The following LRBA variants were observed in gnomAD, a reference collection of about 807,000 sequenced individuals.
The protein encoded by LRBA is LPS responsive beige-like anchor protein, also known as lipopolysaccharide-responsive and beige-like anchor protein.
Under a neutral mutation model 330.0 loss-of-function variants are expected in LRBA, and 176 were observed. The ratio of observed to expected loss-of-function variants is 0.53; its 90% CI spans 0.47 to 0.60. The LOEUF is 0.60. Ranked by LOEUF, LRBA falls within the 20% of genes least tolerant of loss-of-function variation. The pLI, the probability that LRBA is intolerant of heterozygous loss-of-function variation, is 0.00. For missense variants in LRBA, 3,259 were observed against 3,444.8 expected, an observed-to-expected ratio of 0.95 and a Z score of 1.35; for synonymous variants, 1,230 against 1,193.0, an observed-to-expected ratio of 1.03 and a Z score of -0.64.
Position 150,335,463 on chromosome 4 carries a change from GTGTATATATATACGTATATA to G in LRBA, c.7363-9585_7363-9566del, listed in dbSNP as rs1273702877. 4.6e-5 allele frequency among the ~76,000 whole-genome samples: 6 copies of G among 131,310 alleles called. No individual in the cohort carries two copies. In the Admixed American group the frequency reaches 4.6e-4, roughly 10 times the overall value. 86.1% of individuals were successfully genotyped at this position (131,310 alleles called of 152,430 possible). On this transcript the variant is annotated intron_variant, in intron 48 of 56. Transcript: ENST00000651943. ...TATACACGTATATATGTGTATATATGTGTATATATATACGTATATATGTGTGTGTATATATATATACACAC... is the reference window on the plus strand; with the variant it reads ...TATACACGTATATATGTGTATATATGTGTGTGTGTATATATATATACACAC...
intron 36 of LRBA, chr4:150,720,937 G>A (rs1435560580): frequency 4.9e-6 from 2 of 410,430 alleles, no homozygotes; most frequent in African/African-American, 2.1e-5. Flanking sequence ...AGTTCTAAGG[G>A]AATTTAAGTG....
chr4:150,451,716 T>C (rs1753368959), intron 44 of LRBA, among the ~76,000 whole-genome samples: 1 of 151,898 alleles, frequency 6.6e-6, no homozygotes, highest in South Asian at 2.1e-4. Context: ...ATCATAGGAA[T>C]TGAAAACAGA....
intron 53 of LRBA, among the ~76,000 whole-genome samples, chr4:150,291,827 T>C (rs562116110): frequency 2.4e-4 from 36 of 151,668 alleles, no homozygotes; most frequent in African/African-American, 8.7e-4. Context: ...CCAACCCAAA[T>C]GTCCAACAAC....
chr4:150,844,346 A>G (rs1749542124), intron 27 of LRBA, 139 bp from the exon 28 acceptor site: 1 of 529,802 alleles, frequency 1.9e-6, no homozygotes, highest in Admixed American at 3.6e-5. Context: ...TTTTGTGTGT[A>G]TGCTTCCTTC....
intron 53 of LRBA, among the ~76,000 whole-genome samples, chr4:150,294,121 T>G (rs769821696): frequency 2.0e-5 from 3 of 152,212 alleles, no homozygotes; most frequent in Non-Finnish European, 4.4e-5. Flanking sequence ...GACTCCTGTG[T>G]TGTTCAAAAG....
intron 35 of LRBA, among the ~76,000 whole-genome samples, chr4:150,749,350 G>A (rs777356702): frequency 5.3e-5 from 8 of 152,100 alleles, no homozygotes; most frequent in Non-Finnish European, 8.8e-5. Context: ...CAGGAGGATC[G>A]CTTGAGCTCA....
intron 49 of LRBA, among the ~76,000 whole-genome samples, chr4:150,322,314 T>C (rs536073962): frequency 3.9e-5 from 6 of 152,212 alleles, no homozygotes; most frequent in Non-Finnish European, 7.4e-5. Context: ...AAGACATATA[T>C]AACACTGCTC....
At chr4:150,598,758 G>C (rs1328735889) in intron 38 of LRBA, among the ~76,000 whole-genome samples, 1 of 152,086 alleles carries the variant, frequency 6.6e-6, no homozygotes, top group Non-Finnish European at 1.5e-5. Context: ...TTTAATCTTT[G>C]TACTCTGAAA....
At chr4:150,426,091 T>G (rs1749560905) in intron 46 of LRBA, among the ~76,000 whole-genome samples, 2 of 152,154 alleles carry the variant, frequency 1.3e-5, no homozygotes, top group Admixed American at 1.3e-4. Context: ...AATAAAACTT[T>G]TAAAAAATTC....
intron 37 of LRBA, among the ~76,000 whole-genome samples, chr4:150,605,832 CTATA>C (rs1774564607): frequency 1.3e-5 from 2 of 152,100 alleles, no homozygotes; most frequent in South Asian, 4.1e-4. Flanking sequence ...CAAGTACCAA[CTATA>C]AATCAAGGGC....
At position 150,954,817 on chromosome 4, in the gene LRBA, C is replaced by CAA. The variant is rs34282784; in HGVS notation, c.217-25754_217-25753dup. ...AAAAAAAGAACCTAGACTCAGAAAT[C>CAA]AAAAAAAAAAAAAAAAAAAAAGAAT... is the stretch of plus-strand genomic sequence containing the variant. On this transcript the variant is annotated intron_variant, in intron 2 of 56. Transcript: ENST00000651943. Among the ~76,000 whole-genome samples the CAA allele has an allele frequency of 8.3e-3, 379 of 45,500 alleles. 7 individuals are homozygous for CAA. Among genetic ancestry groups the CAA allele is most frequent in the African/African-American group, 0.044 (323 of 7,318 alleles). 29.8% of individuals were successfully genotyped at this position (45,500 alleles called of 152,430 possible).
In LRBA at chr4:150,698,840, T is replaced by C. The variant is rs187573791; in HGVS notation, c.5755-15123A>G. Among the ~76,000 whole-genome samples the C allele has an allele frequency of 3.8e-3, 574 of 152,350 alleles. 2 individuals are homozygous for C. Among genetic ancestry groups the C allele is most frequent in the Middle Eastern group, 0.01 (3 of 294 alleles). ...TAACAGCAGAAAATATTGAGGCCTTTCTTTTAACCTGGTCATTTTCAAAAA... is the reference window on the plus strand; with the variant it reads ...TAACAGCAGAAAATATTGAGGCCTTCCTTTTAACCTGGTCATTTTCAAAAA... On this transcript the variant is annotated intron_variant, in intron 36 of 56. Transcript: ENST00000651943.
At chr4:150,434,974 T>TAA (rs111261288) in intron 46 of LRBA, among the ~76,000 whole-genome samples, 38 of 150,910 alleles carry the variant, frequency 2.5e-4, no homozygotes, top group African/African-American at 7.8e-4. Context: ...AAAGGGAAAA[T>TAA]AAAAAAAACA....
intron 31 of LRBA, among the ~76,000 whole-genome samples, chr4:150,812,270 T>C (rs1017296060): frequency 1.3e-5 from 2 of 152,214 alleles, no homozygotes; most frequent in African/African-American, 4.8e-5. Flanking sequence ...ACATGTGGAA[T>C]GATACTCACT....
rs538962438 is a variant in LRBA, at chr4:150,441,416, T to A, written c.6781-4552A>T. 3.8e-4 allele frequency among the ~76,000 whole-genome samples: 58 copies of A among 152,204 alleles called. 1 individual carries two copies. In the South Asian group the frequency reaches 0.011, roughly 29 times the overall value. On this transcript the variant is annotated intron_variant, in intron 44 of 56. Coordinates refer to ENST00000651943, the MANE Select transcript of LRBA (RefSeq NM_001364905.1). ...TTTACTACGAAAAGCATAAGAAATA[T>A]CAAGCAACTTATAATCACCTCCTAC...
chr4:150,917,022 G>T (rs1160820494), intron 5 of LRBA, among the ~76,000 whole-genome samples: 10 of 151,974 alleles, frequency 6.6e-5, no homozygotes, highest in Non-Finnish European at 1.5e-5. Flanking sequence ...GTACGGTGGT[G>T]GGTGCCTGTA....
At chr4:150,691,726 T>G (rs927992334) in intron 36 of LRBA, among the ~76,000 whole-genome samples, 4 of 152,202 alleles carry the variant, frequency 2.6e-5, no homozygotes, top group African/African-American at 9.7e-5. Flanking sequence ...TAAGAACATA[T>G]TTCTACAAAA....
chr4:150,766,321 A>G (rs1735757741), intron 34 of LRBA, among the ~76,000 whole-genome samples: 1 of 152,114 alleles, frequency 6.6e-6, no homozygotes, highest in African/African-American at 2.4e-5. Flanking sequence ...ATTACCATTT[A>G]ATAAAATACC....
intron 47 of LRBA, among the ~76,000 whole-genome samples, chr4:150,374,584 C>A (rs148560970): frequency 7.9e-5 from 12 of 152,088 alleles, no homozygotes. Context: ...ATTCAAAATA[C>A]GAAATGCTCC....
Sources: gnomAD v4.1 joint callset for allele counts (sites outside exome capture counted in the v4.1 genomes callset) on GRCh38, gnomAD v4.1.1 for gene constraint, MANE v1.5 for transcripts, NCBI Gene and HGNC (gene_info 2026-07-23, HGNC 2026-07-21) for gene names.